RTL9: variants seen among roughly 807,000 people sequenced by gnomAD.
RTL9 encodes retrotransposon Gag like 9, also known as retrotransposon Gag-like protein 9.
Under a neutral mutation model 44.7 loss-of-function variants are expected in RTL9, and 19 were observed. That is an observed-to-expected ratio of 0.42 (90% CI 0.30 to 0.62). The LOEUF (loss-of-function observed/expected upper bound fraction) is 0.62. RTL9 is among the 20% of genes least tolerant of loss of function. The pLI is 0.16. For missense variants in RTL9, 1,105 were observed against 1,080.6 expected (o/e 1.02, Z -0.32); for synonymous variants, 407 against 398.9 (o/e 1.02, Z -0.24).
At chrX:110,452,365 A>C in exon 1 of RTL9, 1 of 1,211,186 alleles carries the variant, frequency 8.3e-7, no homozygotes, top group Non-Finnish European at 1.1e-6. Flanking sequence ...ATGACAGCCC[A>C]AACCTCTGGA....
At chrX:110,420,341 G>A (rs1293557133) in intron 1 of RTL9, among the ~76,000 whole-genome samples, 1 of 112,206 alleles carries the variant, frequency 8.9e-6, no homozygotes, top group Non-Finnish European at 1.9e-5. Flanking sequence ...GAGCAAATGA[G>A]TGAGGGAGTA....
At chrX:110,425,065 A>C (rs1001649682) in intron 1 of RTL9, among the ~76,000 whole-genome samples, 4 of 111,843 alleles carry the variant, frequency 3.6e-5, no homozygotes, top group African/African-American at 1.3e-4. Flanking sequence ...ATCCTCTTAT[A>C]ATCACTGAGT....
chrX:110,371,267 T>G (rs1051613444), intron 1 of RTL9, among the ~76,000 whole-genome samples: 1 of 110,206 alleles, frequency 9.1e-6, no homozygotes, highest in Non-Finnish European at 1.9e-5. Context: ...TTTTAGTTAT[T>G]GTGGGTACAT....
intron 1 of RTL9, among the ~76,000 whole-genome samples, chrX:110,407,211 G>T (rs2068608901): frequency 8.9e-6 from 1 of 112,084 alleles, no homozygotes; most frequent in East Asian, 2.8e-4. Flanking sequence ...CTACATAAAA[G>T]ATTTTCTTTG....
chrX:110,372,307 T>C (rs1165182521), intron 1 of RTL9, among the ~76,000 whole-genome samples: 1 of 112,730 alleles, frequency 8.9e-6, no homozygotes, highest in African/African-American at 3.2e-5. Flanking sequence ...TTAAAAGAAA[T>C]GCCTACACAT....
intron 1 of RTL9, among the ~76,000 whole-genome samples, chrX:110,411,365 A>G (rs1482272925): frequency 2.7e-5 from 3 of 111,899 alleles, no homozygotes; most frequent in Non-Finnish European, 5.6e-5. Flanking sequence ...GGGGAAAAGG[A>G]TGCACCATTT....
intron 1 of RTL9, among the ~76,000 whole-genome samples, chrX:110,398,835 T>C (rs2068545217): frequency 8.9e-6 from 1 of 112,496 alleles, no homozygotes. Context: ...CCATTTAATC[T>C]AGGGAAGGCA....
chrX:110,379,756 A>G (rs2068405513), intron 1 of RTL9, among the ~76,000 whole-genome samples: 1 of 112,227 alleles, frequency 8.9e-6, no homozygotes, highest in East Asian at 2.8e-4. Flanking sequence ...AGACTTCCCA[A>G]TACCGATGAA....
upstream of RTL9, among the ~76,000 whole-genome samples, chrX:110,447,213 C>A (rs1463164592): frequency 1.0e-5 from 1 of 96,445 alleles, no homozygotes; most frequent in African/African-American, 4.0e-5. Flanking sequence ...TCACACAGAG[C>A]TGTGTGCCTT....
chrX:110,363,981 T>C (rs2068280678), intron 1 of RTL9, among the ~76,000 whole-genome samples: 1 of 112,124 alleles, frequency 8.9e-6, no homozygotes, highest in South Asian at 3.7e-4. Context: ...TTTCTGTGAC[T>C]ACCATAACAA....
chrX:110,383,977 A>C (rs1475177817), intron 1 of RTL9, among the ~76,000 whole-genome samples: 1 of 112,247 alleles, frequency 8.9e-6, no homozygotes, highest in Non-Finnish European at 1.9e-5. Context: ...CAAAATAAAT[A>C]AGATGATACT....
chrX:110,400,523 C>A (rs1220302969), intron 1 of RTL9, among the ~76,000 whole-genome samples: 5 of 110,770 alleles, frequency 4.5e-5, no homozygotes, highest in Non-Finnish European at 9.4e-5. Context: ...ACAGTGTAAT[C>A]TCTCACCAGT....
chrX:110,453,735 A>G (rs2068962346), exon 1 of RTL9: 1 of 1,211,334 alleles, frequency 8.3e-7, no homozygotes, highest in Non-Finnish European at 1.1e-6. Flanking sequence ...TTCTGGATCG[A>G]TGCCCATGCC....
chrX:110,423,184 C>T (rs1354829309), intron 1 of RTL9, among the ~76,000 whole-genome samples: 4 of 110,826 alleles, frequency 3.6e-5, no homozygotes, highest in Non-Finnish European at 5.7e-5. Flanking sequence ...AAAAATTAGC[C>T]GGGGGTGGTG....
upstream of RTL9, among the ~76,000 whole-genome samples, chrX:110,417,377 T>TCTGGG (rs370525858): frequency 4.2e-3 from 475 of 112,709 alleles, 2 homozygotes; most frequent in Non-Finnish European, 6.9e-3. Flanking sequence ...CTGCAGAGGT[T>TCTGGG]CTGGGCTAGG....
chrX:110,456,334 A>T (rs1432460260), downstream of RTL9: 1 of 112,807 alleles, frequency 8.9e-6, no homozygotes, highest in East Asian at 2.7e-4. Context: ...ATGAAAAAAG[A>T]GTTCATTGTG....
chrX:110,370,883 G>T (rs1027118054), intron 1 of RTL9, among the ~76,000 whole-genome samples: 2 of 111,867 alleles, frequency 1.8e-5, no homozygotes, highest in African/African-American at 6.5e-5. Flanking sequence ...TTTGGACCTC[G>T]TACAGTTTGT....
At chrX:110,447,889 C>A (rs777596882), upstream of RTL9, among the ~76,000 whole-genome samples, 5 of 111,701 alleles carry the variant, frequency 4.5e-5, no homozygotes, top group Non-Finnish European at 9.4e-5. Context: ...GAGGGTTTCT[C>A]CCCTTAGACT....
intron 1 of RTL9, among the ~76,000 whole-genome samples, chrX:110,361,456 G>C (rs1027639751): frequency 3.6e-5 from 4 of 110,981 alleles, no homozygotes; most frequent in Admixed American, 1.9e-4. Flanking sequence ...TTGGAACCAG[G>C]ATAATTTTAT....
Sources: allele counts gnomAD v4.1 joint callset (sites outside exome capture counted in the v4.1 genomes callset), GRCh38; gene constraint gnomAD v4.1.1; transcripts MANE v1.5; gene names NCBI Gene and HGNC (gene_info 2026-07-23, HGNC 2026-07-21).